EVI5: variants seen among roughly 807,000 people sequenced by gnomAD.
The protein encoded by EVI5 is ecotropic viral integration site 5, also known as ecotropic viral integration site 5 protein homolog.
EVI5 carries 73 observed loss-of-function variants against 112.0 expected under a neutral mutation model. The ratio of observed to expected loss-of-function variants is 0.65; its 90% CI spans 0.54 to 0.79. EVI5 has a LOEUF of 0.79. EVI5 is among the 30% of genes least tolerant of loss of function. The pLI is 0.00. For missense variants in EVI5, 900 were observed against 968.8 expected (o/e 0.93, Z 0.94); for synonymous variants, 305 against 319.9 (o/e 0.95, Z 0.50).
At chr1:92,516,862 C>A (rs901467759) in intron 19 of EVI5, among the ~76,000 whole-genome samples, 6 of 143,210 alleles carry the variant, frequency 4.2e-5, no homozygotes, top group Non-Finnish European at 9.0e-5. Context: ...GACAATCAAC[C>A]TTTCCAACTC....
intron 2 of EVI5, among the ~76,000 whole-genome samples, chr1:92,727,522 C>T (rs1016154385): frequency 5.3e-5 from 8 of 151,964 alleles, no homozygotes; most frequent in South Asian, 2.1e-4. Context: ...AGATAGATGC[C>T]GGCTGCGGTC....
upstream of EVI5, among the ~76,000 whole-genome samples, chr1:92,787,692 A>T (rs1178781442): frequency 6.6e-6 from 1 of 151,812 alleles, no homozygotes; most frequent in Non-Finnish European, 1.5e-5. Context: ...GTGAGCCATG[A>T]TCGTGCCACT....
chr1:92,750,208 G>A (rs1280257036), intron 1 of EVI5, among the ~76,000 whole-genome samples: 1 of 152,156 alleles, frequency 6.6e-6, no homozygotes, highest in Non-Finnish European at 1.5e-5. Flanking sequence ...AGGAAAAAAA[G>A]GGAGGTGAGA....
At chr1:92,751,195 T>C (rs534004880) in intron 1 of EVI5, among the ~76,000 whole-genome samples, 1 of 152,304 alleles carries the variant, frequency 6.6e-6, no homozygotes, top group South Asian at 2.1e-4. Context: ...GTTACACCAA[T>C]ATTCAGTGTA....
intron 2 of EVI5, among the ~76,000 whole-genome samples, chr1:92,726,091 A>C (rs1262516918): frequency 6.6e-6 from 1 of 152,204 alleles, no homozygotes; most frequent in Non-Finnish European, 1.5e-5. Context: ...AAGTGGCCTA[A>C]TATGTGTGTA....
At chr1:92,521,402 G>C (rs916480142) in intron 19 of EVI5, among the ~76,000 whole-genome samples, 1 of 152,138 alleles carries the variant, frequency 6.6e-6, no homozygotes, top group African/African-American at 2.4e-5. Flanking sequence ...AAAATTCAAA[G>C]ACTAACAGCT....
intron 5 of EVI5, among the ~76,000 whole-genome samples, chr1:92,701,716 T>C (rs1290506488): frequency 6.6e-6 from 1 of 151,958 alleles, no homozygotes; most frequent in African/African-American, 2.4e-5. Flanking sequence ...CAGTGAGGTA[T>C]GCATAACAAG....
chr1:92,634,662 GCC>G (rs1301104981), intron 14 of EVI5, among the ~76,000 whole-genome samples: 1 of 152,136 alleles, frequency 6.6e-6, no homozygotes, highest in African/African-American at 2.4e-5. Flanking sequence ...GTCGTCTGAA[GCC>G]TTCTTCTCTC....
intron 2 of EVI5, among the ~76,000 whole-genome samples, chr1:92,727,122 T>C (rs1046539750): frequency 2.0e-5 from 3 of 152,184 alleles, no homozygotes; most frequent in Non-Finnish European, 4.4e-5. Context: ...AGGCCACTTA[T>C]TGTATCCATC....
intron 1 of EVI5, chr1:92,749,338 T>C: frequency 5.3e-6 from 1 of 187,190 alleles, no homozygotes; most frequent in Non-Finnish European, 1.1e-5. Flanking sequence ...CTGGAGCTCC[T>C]AATTTTTAAC....
At chr1:92,788,563 G>A (rs774360590), upstream of EVI5, among the ~76,000 whole-genome samples, 14 of 151,916 alleles carry the variant, frequency 9.2e-5, no homozygotes, top group Admixed American at 2.0e-4. Context: ...TTGGGAGGCC[G>A]AGGTGGTGGA....
At chr1:92,635,121 G>A (rs915577479) in intron 14 of EVI5, among the ~76,000 whole-genome samples, 9 of 152,192 alleles carry the variant, frequency 5.9e-5, no homozygotes, top group Non-Finnish European at 1.5e-5. Flanking sequence ...AGGCTACTCG[G>A]GGGTCAGGGC....
At chr1:92,638,243 G>A (rs929214332) in intron 13 of EVI5, among the ~76,000 whole-genome samples, 2 of 152,136 alleles carry the variant, frequency 1.3e-5, no homozygotes, top group African/African-American at 4.8e-5. Context: ...AAAAGCTATA[G>A]TAATGTTGGG....
intron 1 of EVI5, among the ~76,000 whole-genome samples, chr1:92,770,513 A>G (rs577107865): frequency 5.6e-4 from 86 of 152,294 alleles, no homozygotes; most frequent in Middle Eastern, 3.4e-3. Context: ...GAAACTGGCC[A>G]GGCGAGGTGG....
intron 19 of EVI5, among the ~76,000 whole-genome samples, chr1:92,547,448 C>T (rs960756692): frequency 1.3e-5 from 2 of 152,120 alleles, no homozygotes; most frequent in African/African-American, 4.8e-5. Flanking sequence ...ACTAGAGAAG[C>T]AAGAGCAAAC....
chr1:92,674,158 C>A (rs1276067460), intron 10 of EVI5, among the ~76,000 whole-genome samples: 1 of 152,090 alleles, frequency 6.6e-6, no homozygotes, highest in Non-Finnish European at 1.5e-5. Context: ...TAGCATTTCC[C>A]ATTTTACAGC....
At chr1:92,775,529 A>G (rs1160430957) in intron 1 of EVI5, among the ~76,000 whole-genome samples, 1 of 152,156 alleles carries the variant, frequency 6.6e-6, no homozygotes, top group African/African-American at 2.4e-5. Flanking sequence ...ACAACTGCCT[A>G]CAGTATTCCA....
intron 1 of EVI5, among the ~76,000 whole-genome samples, chr1:92,743,770 A>G (rs191234603): frequency 3.5e-4 from 53 of 152,228 alleles, no homozygotes; most frequent in Non-Finnish European, 5.3e-4. Context: ...CCCTGGCTAG[A>G]GGTCCGTCAC....
At chr1:92,576,483 C>T (rs1671104442) in intron 18 of EVI5, among the ~76,000 whole-genome samples, 1 of 151,832 alleles carries the variant, frequency 6.6e-6, no homozygotes, top group Non-Finnish European at 1.5e-5. Flanking sequence ...TAAATTTTTA[C>T]TAAAATATAA....
Sources: gnomAD v4.1 joint callset for allele counts (sites outside exome capture counted in the v4.1 genomes callset) on GRCh38, gnomAD v4.1.1 for gene constraint, MANE v1.5 for transcripts, NCBI Gene and HGNC (gene_info 2026-07-23, HGNC 2026-07-21) for gene names.